Variants in AUTS2 observed in about 807,000 individuals in gnomAD.
AUTS2 encodes the protein autism susceptibility gene 2 protein.
AUTS2 carries 17 observed loss-of-function variants against 112.4 expected under a neutral mutation model. The observed-to-expected ratio is 0.15, with a 90% CI of 0.10 to 0.23. AUTS2 has a LOEUF of 0.23. Among genes scored for constraint, AUTS2 ranks in the 10% least tolerant of loss-of-function variants. AUTS2 has a pLI of 1.00. For missense variants in AUTS2, 1,510 were observed against 1,701.6 expected (o/e 0.89, Z 1.98); for synonymous variants, 751 against 702.7 (o/e 1.07, Z -1.09).
intron 5 of AUTS2, among the ~76,000 whole-genome samples, chr7:70,456,061 A>G (rs1048801514): frequency 6.6e-6 from 1 of 152,128 alleles, no homozygotes. Context: ...TGCTGTGAGG[A>G]TGTAATAAGA....
chr7:69,741,723 A>G (rs1299229422), intron 1 of AUTS2, among the ~76,000 whole-genome samples: 1 of 151,660 alleles, frequency 6.6e-6, no homozygotes, highest in Non-Finnish European at 1.5e-5. Flanking sequence ...AAAAAAATCC[A>G]TAGCCTAACC....
intron 2 of AUTS2, among the ~76,000 whole-genome samples, chr7:70,097,101 A>G (rs1410689279): frequency 1.3e-5 from 2 of 152,230 alleles, no homozygotes; most frequent in South Asian, 2.1e-4. Flanking sequence ...ACAAGGTGCT[A>G]TGGTTCAAAT....
chr7:69,920,185 T>C (rs1269693323), intron 2 of AUTS2, among the ~76,000 whole-genome samples: 3 of 152,152 alleles, frequency 2.0e-5, no homozygotes, highest in African/African-American at 7.2e-5. Context: ...TGAAGGAATG[T>C]AATGAAATTA....
intron 5 of AUTS2, among the ~76,000 whole-genome samples, chr7:70,503,596 G>A (rs1474206141): frequency 7.0e-6 from 1 of 142,236 alleles, no homozygotes; most frequent in Non-Finnish European, 1.5e-5. Flanking sequence ...ATAGCTCGTT[G>A]CAGCCTTGAA....
intron 1 of AUTS2, among the ~76,000 whole-genome samples, chr7:69,888,540 G>GAT (rs60804022): frequency 0.19 from 19,209 of 98,620 alleles, 1,717 homozygotes; most frequent in African/African-American, 0.2. Context: ...CAACATTGGG[G>GAT]ATATATATAT....
At chr7:70,317,720 G>A (rs1373822972) in intron 4 of AUTS2, among the ~76,000 whole-genome samples, 2 of 152,300 alleles carry the variant, frequency 1.3e-5, no homozygotes, top group East Asian at 3.9e-4. Context: ...CACATTGCCT[G>A]ACTTAAAGGT....
chr7:69,628,740 G>A (rs1314481568), intron 1 of AUTS2, among the ~76,000 whole-genome samples: 1 of 152,118 alleles, frequency 6.6e-6, no homozygotes, highest in Non-Finnish European at 1.5e-5. Context: ...CACGAGAACA[G>A]CAGCAAATGG....
At chr7:69,604,351 G>A (rs996592682) in intron 1 of AUTS2, among the ~76,000 whole-genome samples, 1 of 152,222 alleles carries the variant, frequency 6.6e-6, no homozygotes, top group Non-Finnish European at 1.5e-5. Flanking sequence ...GATATTTATG[G>A]AGTGCTTAAT....
At chr7:70,548,632 C>T (rs1256486892) in intron 5 of AUTS2, among the ~76,000 whole-genome samples, 1 of 152,148 alleles carries the variant, frequency 6.6e-6, no homozygotes, top group African/African-American at 2.4e-5. Context: ...TATCCAGTTA[C>T]CCCATCACTG....
At chr7:69,832,662 G>T (rs989999018) in intron 1 of AUTS2, among the ~76,000 whole-genome samples, 1 of 152,324 alleles carries the variant, frequency 6.6e-6, no homozygotes, top group Non-Finnish European at 1.5e-5. Flanking sequence ...AACAGGCTAA[G>T]AGAATAATTA....
intron 4 of AUTS2, among the ~76,000 whole-genome samples, chr7:70,275,426 G>A (rs531309078): frequency 7.7e-4 from 117 of 152,250 alleles, no homozygotes; most frequent in African/African-American, 2.7e-3. Flanking sequence ...CCATTCATGG[G>A]CACAAGGTTT....
rs141138746 is a variant in AUTS2, at chr7:70,506,379, G to A, written c.690+70598G>A. On this transcript the variant is annotated intron_variant, in intron 5 of 18. Transcript: ENST00000342771. ...AGAAAATCCCAGTAATATTAACAGG[G>A]CTACAACAAATGAAAATTGGAAAAT... Among the ~76,000 whole-genome samples, 686 of 152,318 alleles carry A rather than the reference G, an allele frequency of 4.5e-3. 4 individuals carry two copies. Among genetic ancestry groups the A allele is most frequent in the African/African-American group, 0.016 (648 of 41,574 alleles).
intron 2 of AUTS2, among the ~76,000 whole-genome samples, chr7:70,000,449 T>C (rs1055760259): frequency 5.3e-5 from 8 of 152,196 alleles, no homozygotes; most frequent in Admixed American, 2.6e-4. Flanking sequence ...CAAATTAAAT[T>C]CAGTCACAAA....
At chr7:69,898,035 C>T (rs1356221112) in intron 1 of AUTS2, among the ~76,000 whole-genome samples, 1 of 151,936 alleles carries the variant, frequency 6.6e-6, no homozygotes, top group African/African-American at 2.4e-5. Context: ...TTTAATTGTT[C>T]ATTTAAAAAT....
chr7:70,570,714 G>A (rs1801903157), intron 5 of AUTS2, among the ~76,000 whole-genome samples: 1 of 152,074 alleles, frequency 6.6e-6, no homozygotes, highest in South Asian at 2.1e-4. Flanking sequence ...TACTCTCTAT[G>A]GTCTCTATTT....
chr7:70,684,637 G>T (rs1313128477), intron 5 of AUTS2, among the ~76,000 whole-genome samples: 1 of 150,986 alleles, frequency 6.6e-6, no homozygotes, highest in Non-Finnish European at 1.5e-5. Flanking sequence ...GCGTGGTATG[G>T]TGTGGGGTGG....
chr7:70,516,484 G>A (rs1799423316), intron 5 of AUTS2, among the ~76,000 whole-genome samples: 1 of 152,178 alleles, frequency 6.6e-6, no homozygotes, highest in Non-Finnish European at 1.5e-5. Flanking sequence ...ACCAGCAGGA[G>A]GATGGTCTGT....
intron 12 of AUTS2, 42 bp downstream of exon 12, chr7:70,774,141 G>A (rs747506497): frequency 1.3e-6 from 2 of 1,592,842 alleles, no homozygotes; most frequent in South Asian, 1.1e-5. Context: ...ACACCAGGGT[G>A]TGTGTGTTTG....
At chr7:70,357,309 C>T (rs1004588307) in intron 4 of AUTS2, among the ~76,000 whole-genome samples, 1 of 152,208 alleles carries the variant, frequency 6.6e-6, no homozygotes, top group Non-Finnish European at 1.5e-5. Flanking sequence ...TTGCTTTCTA[C>T]TCAGATATGG....
Sources: allele counts gnomAD v4.1 joint callset (sites outside exome capture counted in the v4.1 genomes callset), GRCh38; gene constraint gnomAD v4.1.1; transcripts MANE v1.5; gene names NCBI Gene and HGNC (gene_info 2026-07-23, HGNC 2026-07-21).